The following ANKS1B variants were observed in gnomAD, a reference collection of about 807,000 sequenced individuals.
ANKS1B encodes the protein ankyrin repeat and sterile alpha motif domain-containing protein 1B.
ANKS1B carries 36 observed loss-of-function variants against 148.3 expected under a neutral mutation model. That is an observed-to-expected ratio of 0.24 (90% confidence interval 0.19 to 0.32). The LOEUF is 0.32. ANKS1B is among the 10% of genes least tolerant of loss of function. ANKS1B has a pLI of 1.00. For missense variants in ANKS1B, 1,157 were observed against 1,542.6 expected (o/e 0.75, Z 4.19); for synonymous variants, 542 against 560.8 (o/e 0.97, Z 0.47).
At chr12:98,756,556 CA>C (rs536086383) in intron 25 of ANKS1B, among the ~76,000 whole-genome samples, 19,884 of 104,524 alleles carry the variant, frequency 0.19, 1,610 homozygotes, top group African/African-American at 0.27. Context: ...ACTAAAAATA[CA>C]AAAAAAAAAA....
At chr12:99,650,166 A>T (rs2098408567) in intron 9 of ANKS1B, 1 of 152,146 alleles carries the variant, frequency 6.6e-6, no homozygotes, top group African/African-American at 2.4e-5. Context: ...TATATTTTTT[A>T]AATAAATTAA....
At chr12:99,159,362 T>C (rs961393618) in intron 14 of ANKS1B, among the ~76,000 whole-genome samples, 4 of 152,138 alleles carry the variant, frequency 2.6e-5, no homozygotes, top group Admixed American at 1.3e-4. Flanking sequence ...TAGTTTTTCA[T>C]ACATTGTCCC....
chr12:99,538,471 A>G (rs1458799938), intron 9 of ANKS1B, among the ~76,000 whole-genome samples: 1 of 151,982 alleles, frequency 6.6e-6, no homozygotes, highest in Non-Finnish European at 1.5e-5. Flanking sequence ...GAGATCATTC[A>G]CTTCTTTTCT....
chr12:98,894,527 C>T, intron 17 of ANKS1B: 1 of 973,726 alleles, frequency 1.0e-6, no homozygotes, highest in Non-Finnish European at 1.2e-6. Flanking sequence ...GCTTGCCCGA[C>T]TCGGCTTCCT....
chr12:99,075,248 T>C (rs2047469677), intron 16 of ANKS1B, among the ~76,000 whole-genome samples: 1 of 151,954 alleles, frequency 6.6e-6, no homozygotes, highest in Non-Finnish European at 1.5e-5. Context: ...GTGATGCATT[T>C]CCTGTCCTGG....
At position 99,434,799 on chromosome 12, in the gene ANKS1B, T is replaced by C. The variant is rs185587541; in HGVS notation, c.1575+8874A>G. ...TCTATGCTTTCTCATTCAGGCTGTC[T>C]AGACATGCTCTAGGGGAAAAAGCTG... On this transcript the variant is annotated intron_variant, in intron 11 of 26. Coordinates refer to ENST00000683438, the MANE Select transcript of ANKS1B (RefSeq NM_001352186.2). 3.7e-3 allele frequency among the ~76,000 whole-genome samples: 565 copies of C among 152,148 alleles called. 1 individual carries two copies. The highest frequency in any genetic ancestry group is 6.9e-3 in the Non-Finnish European group (467 of 67,952).
intron 17 of ANKS1B, among the ~76,000 whole-genome samples, chr12:99,010,417 A>C (rs540410094): frequency 1.6e-4 from 24 of 152,204 alleles, no homozygotes; most frequent in Non-Finnish European, 2.1e-4. Flanking sequence ...TCACAAAGGG[A>C]CTTAAAAGGT....
At chr12:99,921,862 A>G (rs1458274908) in intron 1 of ANKS1B, among the ~76,000 whole-genome samples, 1 of 152,180 alleles carries the variant, frequency 6.6e-6, no homozygotes, top group Admixed American at 6.5e-5. Flanking sequence ...TATGAAAAAT[A>G]TAAACTTTTT....
At chr12:99,237,041 T>G (rs2088117474) in intron 14 of ANKS1B, among the ~76,000 whole-genome samples, 1 of 152,006 alleles carries the variant, frequency 6.6e-6, no homozygotes, top group Non-Finnish European at 1.5e-5. Flanking sequence ...ACAACAAACC[T>G]CCATGATACA....
chr12:99,808,464 CA>C, intron 3 of ANKS1B, among the ~76,000 whole-genome samples: 1 of 152,200 alleles, frequency 6.6e-6, no homozygotes, highest in African/African-American at 2.4e-5. Context: ...TCAAGACAAT[CA>C]ATGAAAAGTT....
At position 99,504,597 on chromosome 12, in the gene ANKS1B, T is replaced by A. The variant is rs746449724; in HGVS notation, c.1317A>T (p.Pro439=). 1.2e-6 allele frequency: 2 copies of A among 1,609,980 alleles called. No homozygotes were observed. The highest frequency in any genetic ancestry group is 1.3e-5 in the African/African-American group (1 of 74,818). ...AAGGAAATGTATCCAGAGAAGCAGA[T>A]GGTACAATTTCCATAGTGTAATTTC... ...KKRNYTMEIV[P]SASLDTFPSE... Residue 439 remains proline (P), a synonymous_variant, in exon 10 of 27, where the codon CCA becomes CCT. Coordinates refer to ENST00000683438, the MANE Select transcript of ANKS1B (RefSeq NM_001352186.2).
chr12:99,314,666 G>A (rs1371983925), intron 12 of ANKS1B, among the ~76,000 whole-genome samples: 1 of 152,082 alleles, frequency 6.6e-6, no homozygotes, highest in African/African-American at 2.4e-5. Flanking sequence ...AAGCAATAGG[G>A]AAATGATTTC....
intron 17 of ANKS1B, among the ~76,000 whole-genome samples, chr12:98,963,377 C>T (rs2099875212): frequency 6.6e-6 from 1 of 151,938 alleles, no homozygotes; most frequent in African/African-American, 2.4e-5. Flanking sequence ...GGGGTTTCAC[C>T]ATGTAGGCTA....
At chr12:99,877,201 C>T (rs2092161121) in intron 1 of ANKS1B, among the ~76,000 whole-genome samples, 1 of 151,930 alleles carries the variant, frequency 6.6e-6, no homozygotes, top group African/African-American at 2.4e-5. Context: ...GTATTATACT[C>T]TGACTATATT....
intron 12 of ANKS1B, among the ~76,000 whole-genome samples, chr12:99,319,599 C>T (rs2084846725): frequency 6.6e-6 from 1 of 152,150 alleles, no homozygotes; most frequent in Admixed American, 6.5e-5. Flanking sequence ...TTCCTGAATA[C>T]AGCACACTGA....
chr12:99,670,241 T>C (rs1320036656), intron 8 of ANKS1B, among the ~76,000 whole-genome samples: 1 of 152,186 alleles, frequency 6.6e-6, no homozygotes, highest in African/African-American at 2.4e-5. Context: ...CTCCACACTG[T>C]TAACTGCACA....
intron 16 of ANKS1B, among the ~76,000 whole-genome samples, chr12:99,075,319 C>T (rs2047496583): frequency 6.6e-6 from 1 of 152,156 alleles, no homozygotes; most frequent in African/African-American, 2.4e-5. Context: ...TGGCAGCCCA[C>T]AAAGAACTCC....
At chr12:99,625,503 C>T (rs1004937596) in intron 9 of ANKS1B, among the ~76,000 whole-genome samples, 31 of 152,140 alleles carry the variant, frequency 2.0e-4, no homozygotes, top group Non-Finnish European at 3.2e-4. Flanking sequence ...TATATCACTG[C>T]ATCCTTCTTA....
At chr12:99,310,707 G>A (rs183467258) in intron 12 of ANKS1B, among the ~76,000 whole-genome samples, 17 of 152,210 alleles carry the variant, frequency 1.1e-4, no homozygotes, top group African/African-American at 2.6e-4. Flanking sequence ...CCAGCTTGCC[G>A]AGTCACCCTA....
Sources: gnomAD v4.1 joint callset for allele counts (sites outside exome capture counted in the v4.1 genomes callset) on GRCh38, gnomAD v4.1.1 for gene constraint, MANE v1.5 for transcripts, NCBI Gene and HGNC (gene_info 2026-07-23, HGNC 2026-07-21) for gene names.